The following RUNDC3A variants were observed in gnomAD, a reference collection of about 807,000 sequenced individuals.
RUNDC3A encodes RUN domain containing 3A.
RUNDC3A carries 28 observed loss-of-function variants against 53.9 expected under a neutral mutation model. The observed-to-expected ratio is 0.52, with a 90% CI of 0.38 to 0.71. The LOEUF (loss-of-function observed/expected upper bound fraction) is 0.71, where lower values mean the gene tolerates loss of function less well. RUNDC3A is among the 30% of genes least tolerant of loss of function. The pLI is 0.00. For synonymous variants in RUNDC3A, 232 were observed against 249.4 expected, an observed-to-expected ratio of 0.93 and a Z score of 0.66; for missense variants, 491 against 597.3, an observed-to-expected ratio of 0.82 and a Z score of 1.85.
At chr17:44,312,539 C>A in intron 1 of RUNDC3A, 41 bp from the exon 2 acceptor site, 1 of 1,186,620 alleles carries the variant, frequency 8.4e-7, no homozygotes, top group Non-Finnish European at 1.2e-6. Context: ...TGTTTCCTCA[C>A]CTGACACCCC....
rs767774006 is a variant in RUNDC3A at position 44,313,531 on chromosome 17, C to G, written c.458+28C>G. 5 of 1,600,470 alleles carry G rather than the reference C, an allele frequency of 3.1e-6. No homozygotes were observed. The Admixed American group carries it at 8.4e-5, about 27-fold the overall frequency. On this transcript the variant is annotated intron_variant, in intron 4 of 10. Coordinates refer to ENST00000426726, the MANE Select transcript of RUNDC3A (RefSeq NM_001144825.2). Reference sequence around the variant, plus strand: ...CAGACTTCCCAGGCAACTCAGACCACAGGTCTCAGAGTGCACCTGCATTGC... The same window carrying G: ...CAGACTTCCCAGGCAACTCAGACCAGAGGTCTCAGAGTGCACCTGCATTGC...
rs989040588 is a variant in RUNDC3A, at chr17:44,316,802, C to T, written c.1198+77C>T. On this transcript the variant is annotated intron_variant, in intron 10 of 10. Transcript: ENST00000426726. ...AGGCCCTGAGGCCTCAAGGCATGTC[C>T]TCATTCATTCTCTTAGTCTTTTTTT... 5.1e-6 allele frequency: 4 copies of T among 784,360 alleles called. No homozygotes were observed. The African/African-American group carries it at 5.3e-5, about 10-fold the overall frequency. The allele number at this position is 784,360 out of a possible 1,614,324, so 48.6% of individuals were successfully genotyped here.
chr17:44,308,939 G>A lies in RUNDC3A; in HGVS notation c.107G>A (p.Arg36Lys). The A allele has an allele frequency of 6.2e-7, 1 of 1,602,868 alleles. No homozygotes were observed. Among genetic ancestry groups the A allele is most frequent in the Non-Finnish European group, 8.5e-7 (1 of 1,173,794 alleles). Reference protein sequence around the residue: ...VERKNLITVCRFSVKTLLEKY... With the variant: ...VERKNLITVCKFSVKTLLEKY... ...CGTAAGAACCTGATCACCGTGTGCA[G>A]GTGGGCACCGCTAGTGGGCGGGGGC... Residue 36 changes from arginine (R) to lysine (K), a missense_variant and splice_region_variant, in exon 1 of 11, where the codon AGG becomes AAG. Around this residue, in one of 2 missense-constraint regions of RUNDC3A, gnomAD observed 273 missense variants for 389.0 expected, o/e 0.70. Transcript: ENST00000426726.
Position 44,315,601 on chromosome 17 carries a change from G to T in RUNDC3A, c.945G>T (p.Gln315His). The part of the protein sequence containing the change: ...RELEGVILEL[Q>H]EQLTGLIPSD... Reference sequence around the variant, plus strand: ...TGGAAGGCGTGATCCTGGAGCTGCAGGAGCAGCTGTGAGCGCACGGCCTGC... The same window carrying T: ...TGGAAGGCGTGATCCTGGAGCTGCATGAGCAGCTGTGAGCGCACGGCCTGC... The change falls in exon 8 of 11, where the codon CAG becomes CAT. Residue 315 changes from glutamine (Q) to histidine (H), a missense_variant. By Grantham distance (24) the Gln-to-His change is conservative (BLOSUM62 0). This residue lies in a region of RUNDC3A where 218 missense variants were observed against 208.2 expected (regional missense o/e 1.05). Coordinates refer to ENST00000426726, the MANE Select transcript of RUNDC3A (RefSeq NM_001144825.2). The surrounding 1 kb of genome is among the most constrained non-coding windows in gnomAD (Gnocchi z 6.1). The T allele has an allele frequency of 6.7e-7, 1 of 1,493,232 alleles. No individual in the cohort carries two copies. Among genetic ancestry groups the T allele is most frequent in the Non-Finnish European group, 8.9e-7 (1 of 1,119,618 alleles). 92.5% of individuals were successfully genotyped at this position (1,493,232 alleles called of 1,614,324 possible).
chr17:44,308,916 T>C lies in RUNDC3A; in HGVS notation c.84T>C (p.Arg28=), dbSNP rs755659679. The C allele has an allele frequency of 2.5e-6, 4 of 1,607,076 alleles. No individual in the cohort carries two copies. In the Admixed American group the frequency reaches 6.7e-5, roughly 27 times the overall value. The change falls in exon 1 of 11, where the codon CGT becomes CGC. Residue 28 remains arginine, a synonymous_variant. Transcript: ENST00000426726. ...KASSRNVAVE[R]KNLITVCRFS... is the part of the protein sequence containing the mutation. ...CCTCTCGCAACGTGGCTGTGGAGCG[T>C]AAGAACCTGATCACCGTGTGCAGGT...
rs1359445255 is a variant in RUNDC3A, at chr17:44,316,501, G to C, written c.1070G>C (p.Ser357Thr). The C allele has an allele frequency of 1.2e-6, 2 of 1,612,976 alleles. No homozygotes were observed. Among genetic ancestry groups the C allele is most frequent in the Non-Finnish European group, 1.7e-6 (2 of 1,179,682 alleles). ...ACGCTTAATGGGGCCGAGGGCGCCAGCAACTCCAAGCTCTACCGGAGGTAA... is the reference window on the plus strand; with the variant it reads ...ACGCTTAATGGGGCCGAGGGCGCCACCAACTCCAAGCTCTACCGGAGGTAA... ...LGTLNGAEGA[S>T]NSKLYRRHSF... Residue 357 changes from serine to threonine, a missense_variant, in exon 9 of 11, where the codon AGC (serine) becomes ACC (threonine). By Grantham distance (58) the Ser-to-Thr change is moderately conservative. This residue lies in a region of RUNDC3A where 218 missense variants were observed against 208.2 expected (regional missense o/e 1.05). Transcript: ENST00000426726.
At chr17:44,317,820 G>A (rs1030803253) in intron 10 of RUNDC3A, 11 of 593,746 alleles carry the variant, frequency 1.9e-5, no homozygotes, top group Admixed American at 1.2e-4. Context: ...GGAACAGAGC[G>A]AGTGCTCACT....
chr17:44,314,863 T>G (rs1567855483), intron 5 of RUNDC3A, 39 bp downstream of exon 5: 1 of 1,613,844 alleles, frequency 6.2e-7, no homozygotes, highest in Admixed American at 1.7e-5. Context: ...GGGGGCTGTT[T>G]CCCCCATAAA....
chr17:44,318,157 CA>C lies in RUNDC3A; in HGVS notation c.1262del (p.Lys421SerfsTer13), dbSNP rs1256632973. The C allele has an allele frequency of 3.9e-6, 6 of 1,551,544 alleles. No homozygotes were observed. The East Asian group carries it at 1.2e-4, about 32-fold the overall frequency. ...GCTCCCTGGCCTCCATTCCCAGCTG[CA>C]AGTCCCTGGCGAGCTTCAAATCCAA... ...CGSLASIPSC[K>X]SLASFKSNEC... On this transcript the variant is annotated frameshift_variant, in exon 11 of 11. Coordinates refer to ENST00000426726, the MANE Select transcript of RUNDC3A (RefSeq NM_001144825.2). LOFTEE classifies it high-confidence loss of function.
At chr17:44,312,539 C>T (rs1439283801) in intron 1 of RUNDC3A, 41 bp from the exon 2 acceptor site, 4 of 1,186,622 alleles carry the variant, frequency 3.4e-6, no homozygotes, top group Admixed American at 2.1e-5. Flanking sequence ...TGTTTCCTCA[C>T]CTGACACCCC....
At chr17:44,309,867 A>G (rs2047717001) in intron 1 of RUNDC3A, 1 of 152,768 alleles carries the variant, frequency 6.5e-6, no homozygotes. Context: ...GCTGAAGCCC[A>G]CCTGATGCCC....
In RUNDC3A at chr17:44,316,467, T is replaced by A; in HGVS notation, c.1036T>A (p.Ser346Thr). 6.2e-7 allele frequency: 1 copy of A among 1,613,576 alleles called. No individual in the cohort carries two copies. Among genetic ancestry groups the A allele is most frequent in the Non-Finnish European group, 8.5e-7 (1 of 1,179,846 alleles). The change falls in exon 9 of 11, where the codon TCA becomes ACA. Residue 346 changes from serine (S) to threonine (T), a missense_variant. Around this residue, in one of 2 missense-constraint regions of RUNDC3A, gnomAD observed 218 missense variants for 208.2 expected, o/e 1.05. Coordinates refer to ENST00000426726, the MANE Select transcript of RUNDC3A (RefSeq NM_001144825.2). Reference sequence around the variant, plus strand: ...TACACCCCTGGTCAATCAATGGCCCTCACTGGGAACGCTTAATGGGGCCGA... The same window carrying A: ...TACACCCCTGGTCAATCAATGGCCCACACTGGGAACGCTTAATGGGGCCGA... Reference protein sequence around the residue: ...LTTPLVNQWPSLGTLNGAEGA... With the variant: ...LTTPLVNQWPTLGTLNGAEGA...
intron 10 of RUNDC3A, chr17:44,317,427 C>T (rs576184736): frequency 3.6e-5 from 28 of 780,690 alleles, no homozygotes; most frequent in Non-Finnish European, 6.2e-5. Flanking sequence ...GCTCTTATCT[C>T]ATGCACACTG....
Position 44,314,753 on chromosome 17 carries a change from A to T in RUNDC3A, c.477A>T (p.Gly159=), listed in dbSNP as rs1486065447. ...CCCACAGACGGTTCTATGACTCTGG[A>T]GCCATCATGCTGCGGGATGAAGCCA... ...TRTTRRFYDS[G]AIMLRDEATI... Residue 159 remains glycine, a synonymous_variant, in exon 5 of 11, where the codon GGA becomes GGT. Transcript: ENST00000426726. The T allele has an allele frequency of 6.4e-7, 1 of 1,571,360 alleles. No homozygotes were observed. Among genetic ancestry groups the T allele is most frequent in the Admixed American group, 1.8e-5 (1 of 56,260 alleles).
intron 4 of RUNDC3A, 58 bp from the exon 5 acceptor site, chr17:44,314,674 TGGG>T (rs532406403): frequency 0.014 from 11,532 of 833,966 alleles, 72 homozygotes; most frequent in African/African-American, 0.11. Flanking sequence ...ATAGCAGCTC[TGGG>T]GGGGGGGGGG....
intron 10 of RUNDC3A, chr17:44,317,044 G>A (rs1460891965): frequency 1.6e-5 from 6 of 382,240 alleles, no homozygotes; most frequent in East Asian, 4.6e-5. Context: ...TAGTAGAGAC[G>A]GAGTTTCGCC....
In RUNDC3A at chr17:44,316,430, C is replaced by T; in HGVS notation, c.999C>T (p.Ser333=). 6.2e-7 allele frequency: 1 copy of T among 1,613,850 alleles called. No individual in the cohort carries two copies. ...ACCACGCCCCTCTGGCCCAGGGTTC[C>T]AAGGAGCTCACTACACCCCTGGTCA... The part of the protein sequence containing the change: ...PSDHAPLAQG[S]KELTTPLVNQ... The change falls in exon 9 of 11, where the codon TCC becomes TCT. Residue 333 remains serine (S), a synonymous_variant. Transcript: ENST00000426726.
At chr17:44,317,606 C>A in intron 10 of RUNDC3A, 2 of 767,864 alleles carry the variant, frequency 2.6e-6, no homozygotes, top group Non-Finnish European at 4.9e-6. Flanking sequence ...TCTCCCTATG[C>A]CTGAATATCC....
chr17:44,315,112 G>A lies in RUNDC3A; in HGVS notation c.630-43G>A, dbSNP rs2047831401. ...TCAGCGGCCAGCGCAGACGCGCGGG[G>A]GGAGGGGCGGGACCGGCCGTGCCCA... On this transcript the variant is annotated intron_variant, in intron 6 of 10. Transcript: ENST00000426726. The surrounding 1 kb of genome is among the most constrained non-coding windows in gnomAD (Gnocchi z 6.1). 6.3e-7 allele frequency: 1 copy of A among 1,598,804 alleles called. No individual in the cohort carries two copies. The highest frequency in any genetic ancestry group is 8.5e-7 in the Non-Finnish European group (1 of 1,172,466).
Sources: gnomAD v4.1 joint callset for allele counts on GRCh38, gnomAD v4.1.1 for gene constraint, gnomAD v4.1.1 regional missense constraint, Gnocchi (gnomAD v3.1) non-coding constraint, MANE v1.5 for transcripts, NCBI Gene and HGNC (gene_info 2026-07-23, HGNC 2026-07-21) for gene names.